The following RGS6 variants were observed in gnomAD, a reference collection of about 807,000 sequenced individuals.
The protein encoded by RGS6 is regulator of G protein signaling 6, also known as regulator of G-protein signaling 6.
A neutral mutation model predicts 78.5 loss-of-function variants in RGS6; 30 were observed. That is an observed-to-expected ratio of 0.38 (90% CI 0.29 to 0.52). RGS6 has a LOEUF of 0.52. RGS6 is among the 20% of genes least tolerant of loss of function. RGS6 has a pLI of 0.85. For missense variants in RGS6, 495 were observed against 609.7 expected, an observed-to-expected ratio of 0.81 and a Z score of 1.98; for synonymous variants, 206 against 206.0, an observed-to-expected ratio of 1.00 and a Z score of 0.00.
chr14:72,320,338 G>A (rs1247907707), intron 2 of RGS6, among the ~76,000 whole-genome samples: 1 of 152,174 alleles, frequency 6.6e-6, no homozygotes, highest in Non-Finnish European at 1.5e-5. Flanking sequence ...CAACACTTTG[G>A]GAGACTGAGG....
the RGS6 span, chr14:72,619,866 C>T: frequency 6.7e-7 from 1 of 1,502,912 alleles, no homozygotes; most frequent in Non-Finnish European, 8.9e-7. Flanking sequence ...GTAGTAGTAT[C>T]TGTTGCTGTT....
intron 2 of RGS6, among the ~76,000 whole-genome samples, chr14:72,228,655 A>T (rs118180943): frequency 0.016 from 2,436 of 152,310 alleles, 44 homozygotes; most frequent in Admixed American, 0.054. Flanking sequence ...GTAGTGTGGG[A>T]CTAAGTTCAG....
intron 2 of RGS6, among the ~76,000 whole-genome samples, chr14:72,117,139 T>C (rs12881966): frequency 0.5 from 75,989 of 151,862 alleles, 19,379 homozygotes; most frequent in Admixed American, 0.58. Flanking sequence ...AGTGCCCAGG[T>C]CCTGGAGGGG....
chr14:72,503,939 C>G (rs1417794442), intron 13 of RGS6, among the ~76,000 whole-genome samples: 3 of 152,230 alleles, frequency 2.0e-5, no homozygotes, highest in Non-Finnish European at 2.9e-5. Flanking sequence ...TCCACCATGG[C>G]TCTGCTGGGT....
At chr14:72,205,143 G>A (rs1427712095) in intron 2 of RGS6, among the ~76,000 whole-genome samples, 3 of 152,172 alleles carry the variant, frequency 2.0e-5, no homozygotes, top group South Asian at 2.1e-4. Flanking sequence ...CTGTAAGGAA[G>A]GAGAAGCCTC....
intron 3 of RGS6, among the ~76,000 whole-genome samples, chr14:72,392,956 AC>A (rs1313712009): frequency 6.6e-6 from 1 of 152,204 alleles, no homozygotes; most frequent in African/African-American, 2.4e-5. Context: ...AGCAGCGCAA[AC>A]CTTCACCATT....
intron 2 of RGS6, among the ~76,000 whole-genome samples, chr14:72,188,498 A>G (rs1400373505): frequency 1.3e-5 from 2 of 152,016 alleles, no homozygotes; most frequent in African/African-American, 4.8e-5. Context: ...CATCATCATC[A>G]TCATCATCAA....
At chr14:72,079,585 C>G (rs535784647) in intron 2 of RGS6, among the ~76,000 whole-genome samples, 1 of 152,270 alleles carries the variant, frequency 6.6e-6, no homozygotes, top group African/African-American at 2.4e-5. Context: ...CAGCAACTTT[C>G]AAATACATTG....
Position 72,480,659 on chromosome 14 carries a change from G to A in RGS6, c.854+2330G>A, listed in dbSNP as rs77102374. ...GCTGGAGATAAAGCAGCTGGGAGCCGGGCCTGTCAGTGGCTCTGTGAAGAT... is the reference window on the plus strand; with the variant it reads ...GCTGGAGATAAAGCAGCTGGGAGCCAGGCCTGTCAGTGGCTCTGTGAAGAT... On this transcript the variant is annotated intron_variant, in intron 12 of 17. Transcript: ENST00000553525. Among the ~76,000 whole-genome samples the A allele has an allele frequency of 7.7e-3, 1,167 of 152,228 alleles. 9 individuals are homozygous for A. Among genetic ancestry groups the A allele is most frequent in the African/African-American group, 0.027 (1,111 of 41,524 alleles).
intron 1 of RGS6, among the ~76,000 whole-genome samples, chr14:71,955,009 G>T (rs1020818655): frequency 1.3e-5 from 2 of 152,136 alleles, no homozygotes; most frequent in Non-Finnish European, 2.9e-5. Context: ...GATGTGTTGG[G>T]TCATAGGAAC....
intron 8 of RGS6, among the ~76,000 whole-genome samples, chr14:72,471,775 T>C (rs918767057): frequency 6.6e-6 from 1 of 151,906 alleles, no homozygotes; most frequent in Non-Finnish European, 1.5e-5. Context: ...CCCGAAGAGG[T>C]GCAGGTGGGA....
chr14:72,377,282 C>G (rs992327575), intron 3 of RGS6, among the ~76,000 whole-genome samples: 1 of 152,022 alleles, frequency 6.6e-6, no homozygotes, highest in African/African-American at 2.4e-5. Context: ...CACTTCAAGA[C>G]AAAAGCTACA....
intron 3 of RGS6, among the ~76,000 whole-genome samples, chr14:72,452,232 C>G (rs975409640): frequency 6.6e-6 from 1 of 151,494 alleles, no homozygotes; most frequent in Admixed American, 6.6e-5. Flanking sequence ...CATTCTCTCT[C>G]TCTCTCTCTC....
chr14:71,982,556 C>A (rs1231476770), intron 2 of RGS6, among the ~76,000 whole-genome samples: 1 of 152,168 alleles, frequency 6.6e-6, no homozygotes, highest in Non-Finnish European at 1.5e-5. Flanking sequence ...GTAGGGAGCC[C>A]TTCTGGTTCC....
chr14:72,487,621 T>G (rs1042759473), intron 12 of RGS6, among the ~76,000 whole-genome samples: 1 of 152,186 alleles, frequency 6.6e-6, no homozygotes, highest in Non-Finnish European at 1.5e-5. Context: ...TAGCTGGCTT[T>G]GCAGATGGAA....
In RGS6 at chr14:72,163,610, T is replaced by C. The variant is rs532856423; in HGVS notation, c.85-188485T>C. ...TAAAAAATGGAGTTGTGAGGCTGGG[T>C]GCAGTGGCTCACGCCTGTAATCCCA... On this transcript the variant is annotated intron_variant, in intron 2 of 17. Transcript: ENST00000553525. Among the ~76,000 whole-genome samples the C allele has an allele frequency of 1.1e-3, 167 of 152,272 alleles. 4 individuals are homozygous for C. Among genetic ancestry groups the C allele is most frequent in the Non-Finnish European group, 2.5e-4 (17 of 68,006 alleles).
At chr14:72,471,375 C>T (rs1416240851) in intron 8 of RGS6, among the ~76,000 whole-genome samples, 4 of 152,166 alleles carry the variant, frequency 2.6e-5, no homozygotes, top group Non-Finnish European at 5.9e-5. Context: ...CCTGTCCCTC[C>T]CAGGGATGAT....
chr14:72,391,456 G>T (rs968010978), intron 3 of RGS6, among the ~76,000 whole-genome samples: 2 of 152,276 alleles, frequency 1.3e-5, no homozygotes, highest in East Asian at 3.9e-4. Context: ...TGTGCCATTG[G>T]GGTGGGCTTT....
chr14:72,337,695 C>G (rs1456364598), intron 2 of RGS6, among the ~76,000 whole-genome samples: 3 of 152,224 alleles, frequency 2.0e-5, no homozygotes, highest in Admixed American at 1.3e-4. Context: ...GCTCATCCTC[C>G]TGTTGCAGAA....
Sources: gnomAD v4.1 joint callset for allele counts (sites outside exome capture counted in the v4.1 genomes callset) on GRCh38, gnomAD v4.1.1 for gene constraint, MANE v1.5 for transcripts, NCBI Gene and HGNC (gene_info 2026-07-23, HGNC 2026-07-21) for gene names.